The following PCDHGB1 variants were observed in gnomAD, a reference collection of about 807,000 sequenced individuals.
The protein encoded by PCDHGB1 is protocadherin gamma-B1.
A neutral mutation model predicts 56.6 loss-of-function variants in PCDHGB1; 34 were observed. The ratio of observed to expected loss-of-function variants is 0.60; its 90% CI spans 0.46 to 0.80. PCDHGB1 has a LOEUF of 0.80. Ranked by LOEUF, PCDHGB1 falls within the 30% of genes least tolerant of loss-of-function variation. The pLI is 0.00. For missense variants in PCDHGB1, 1,278 were observed against 1,204.6 expected, an observed-to-expected ratio of 1.06 and a Z score of -0.90; for synonymous variants, 561 against 505.9, an observed-to-expected ratio of 1.11 and a Z score of -1.46.
At chr5:141,478,740 C>T (rs2099474176) in intron 1 of PCDHGB1, 7 of 1,531,524 alleles carry the variant, frequency 4.6e-6, no homozygotes, top group Non-Finnish European at 6.2e-6. Flanking sequence ...GGTTTGTGGT[C>T]CCATTTCAGG....
chr5:141,419,741 A>C (rs769795920), intron 1 of PCDHGB1: 2 of 1,613,856 alleles, frequency 1.2e-6, no homozygotes, highest in Admixed American at 1.7e-5. Context: ...CGAGGTGCGC[A>C]TGGTGCGTGC....
chr5:141,430,017 CTTG>C (rs1203011013), intron 1 of PCDHGB1, among the ~76,000 whole-genome samples: 6 of 152,096 alleles, frequency 3.9e-5, no homozygotes, highest in African/African-American at 1.2e-4. Context: ...CACTTGGGTT[CTTG>C]TTAAGTGTGA....
rs768286784 is a variant in PCDHGB1 at position 141,361,660 on chromosome 5, G to T, written c.2409+8991G>T. The T allele has an allele frequency of 5.6e-6, 9 of 1,613,754 alleles. 1 individual carries two copies. The highest frequency in any genetic ancestry group is 2.2e-5 in the East Asian group (1 of 44,882). ...GATTTTATCCTACGTGTCCGTGAGC[G>T]CGCAGAGCGGGGTGGTGTTCGCGCA... On this transcript the variant is annotated intron_variant, in intron 1 of 3. Transcript: ENST00000523390.
At chr5:141,366,079 A>G (rs368547508) in intron 1 of PCDHGB1, 2 of 1,614,220 alleles carry the variant, frequency 1.2e-6, no homozygotes, top group East Asian at 2.2e-5. Context: ...GCTCCGCAGA[A>G]CCTGGCTACC....
At chr5:141,360,134 A>T (rs773035416) in intron 1 of PCDHGB1, 1 of 1,591,326 alleles carries the variant, frequency 6.3e-7, no homozygotes, top group Non-Finnish European at 8.6e-7. Flanking sequence ...GGGAGCCAGA[A>T]GATGAAAGCG....
At position 141,491,660 on chromosome 5, in the gene PCDHGB1, C is replaced by G; in HGVS notation, c.2410-3147C>G. 6.2e-7 allele frequency: 1 copy of G among 1,613,810 alleles called. No individual in the cohort carries two copies. ...ACAGCTCTGGCGCTGGAGCCTGACG[C>G]CATCCGGTCCCGCTCTAATACGCTG... is the stretch of plus-strand genomic sequence containing the variant. On this transcript the variant is annotated intron_variant, in intron 1 of 3. Transcript: ENST00000523390. The surrounding 1 kb of genome is among the most constrained non-coding windows in gnomAD (Gnocchi z 6.9).
At chr5:141,418,328 G>C in intron 1 of PCDHGB1, 1 of 1,614,002 alleles carries the variant, frequency 6.2e-7, no homozygotes. Flanking sequence ...TCTTGAGTCT[G>C]CAGAAGATCC....
intron 2 of PCDHGB1, among the ~76,000 whole-genome samples, chr5:141,501,506 G>A (rs770097282): frequency 1.3e-5 from 2 of 151,864 alleles, no homozygotes; most frequent in Non-Finnish European, 2.9e-5. Context: ...GGGGCTCCAA[G>A]GCCTCCAAGC....
At chr5:141,413,092 T>C in intron 1 of PCDHGB1, 1 of 1,429,614 alleles carries the variant, frequency 7.0e-7, no homozygotes, top group Non-Finnish European at 9.4e-7. Context: ...AGAGACACCC[T>C]GAAGCCACAG....
At chr5:141,419,849 T>C in intron 1 of PCDHGB1, 1 of 1,614,040 alleles carries the variant, frequency 6.2e-7, no homozygotes, top group East Asian at 2.2e-5. Context: ...GCACCTGGTG[T>C]TCGCAGATAG....
In PCDHGB1 at chr5:141,374,709, G is replaced by T. The variant is rs774211225; in HGVS notation, c.2409+22040G>T. 6.8e-6 allele frequency: 11 copies of T among 1,608,934 alleles called. No individual in the cohort carries two copies. The African/African-American group carries it at 8.0e-5, about 12-fold the overall frequency. On this transcript the variant is annotated intron_variant, in intron 1 of 3. Coordinates refer to ENST00000523390, the MANE Select transcript of PCDHGB1 (RefSeq NM_018922.3). ...GACCGGGAAGGAGAAGCCGTTTACC[G>T]CCTGGTCCTTACTGCCATGGATGGC...
intron 1 of PCDHGB1, among the ~76,000 whole-genome samples, chr5:141,379,919 T>G (rs930949901): frequency 6.2e-5 from 7 of 113,224 alleles, no homozygotes; most frequent in Non-Finnish European, 1.2e-4. Flanking sequence ...TTTTTTTTTT[T>G]GTCAGAGTCT....
At chr5:141,425,289 A>C (rs17208404) in intron 1 of PCDHGB1, among the ~76,000 whole-genome samples, 26,691 of 152,172 alleles carry the variant, frequency 0.18, 2,539 homozygotes, top group Admixed American at 0.28. Flanking sequence ...CATATTATAA[A>C]ACCTCATCTA....
intron 1 of PCDHGB1, chr5:141,419,579 C>A: frequency 6.2e-7 from 1 of 1,611,812 alleles, no homozygotes; most frequent in Non-Finnish European, 8.5e-7. Flanking sequence ...CGGCTCCGCG[C>A]TCTTCGACAC....
intron 1 of PCDHGB1, among the ~76,000 whole-genome samples, chr5:141,437,421 T>G (rs971034611): frequency 1.2e-4 from 19 of 152,238 alleles, no homozygotes; most frequent in African/African-American, 4.6e-4. Flanking sequence ...TTATGCTTTT[T>G]GAAGCAGCAA....
chr5:141,457,891 T>C (rs2154566084), intron 1 of PCDHGB1, among the ~76,000 whole-genome samples: 1 of 152,346 alleles, frequency 6.6e-6, no homozygotes, highest in South Asian at 2.1e-4. Context: ...GTGTGGGGAC[T>C]GTGTAGACAA....
intron 1 of PCDHGB1, chr5:141,395,547 TGTGTGTGTGTGTGTGTGTGTG>T (rs2093271294): frequency 4.6e-5 from 8 of 174,262 alleles, no homozygotes; most frequent in Non-Finnish European, 8.3e-5. Context: ...ATTGTTTGTG[TGTGTGTGTGTGTGTGTGTGTG>T]TGTGTGTGTG....
intron 1 of PCDHGB1, among the ~76,000 whole-genome samples, chr5:141,471,883 C>T (rs951573411): frequency 6.6e-6 from 1 of 152,084 alleles, no homozygotes; most frequent in Non-Finnish European, 1.5e-5. Flanking sequence ...GAGGCTGAAG[C>T]TAGGAAGATT....
chr5:141,362,525 G>T lies in PCDHGB1; in HGVS notation c.2409+9856G>T, dbSNP rs201960802. ...CAAAATACAAATCATGGAGCCGCTG[G>T]GGTCCCTTTTGCCTCAGATACTATT... On this transcript the variant is annotated intron_variant, in intron 1 of 3. Transcript: ENST00000523390. 422 of 1,613,832 alleles carry T rather than the reference G, an allele frequency of 2.6e-4. 1 individual carries two copies. The highest frequency in any genetic ancestry group is 3.3e-4 in the Non-Finnish European group (391 of 1,179,896).
Sources: allele counts gnomAD v4.1 joint callset (sites outside exome capture counted in the v4.1 genomes callset), GRCh38; gene constraint gnomAD v4.1.1; non-coding constraint Gnocchi (gnomAD v3.1); transcripts MANE v1.5; gene names NCBI Gene and HGNC (gene_info 2026-07-23, HGNC 2026-07-21).